Variants in DDX11 observed in about 807,000 individuals in gnomAD.
DDX11 encodes the protein ATP-dependent DNA helicase DDX11.
DDX11 carries 72 observed loss-of-function variants against 125.2 expected under a neutral mutation model. That is an observed-to-expected ratio of 0.58 (90% CI 0.48 to 0.70). The LOEUF (loss-of-function observed/expected upper bound fraction) is 0.70. Ranked by LOEUF, DDX11 falls within the 30% of genes least tolerant of loss-of-function variation. The probability of loss-of-function intolerance (pLI) is 0.00; values close to 1 mark genes in which losing one functional copy is unlikely to be tolerated. For synonymous variants in DDX11, 347 were observed against 452.6 expected, an observed-to-expected ratio of 0.77 and a Z score of 2.96; for missense variants, 883 against 1,165.0, an observed-to-expected ratio of 0.76 and a Z score of 3.52.
chr12:31,095,850 G>C (rs1266246297), intron 14 of DDX11, among the ~76,000 whole-genome samples: 1 of 152,044 alleles, frequency 6.6e-6, no homozygotes, highest in South Asian at 2.1e-4. Flanking sequence ...GAAGGACGTC[G>C]CTCTTTTTAG....
At chr12:31,095,901 C>G (rs1945141251) in intron 14 of DDX11, among the ~76,000 whole-genome samples, 4 of 152,304 alleles carry the variant, frequency 2.6e-5, no homozygotes, top group African/African-American at 9.6e-5. Context: ...CTCTGCATCC[C>G]AAGCTAAGAT....
At position 31,093,420 on chromosome 12, in the gene DDX11, T is replaced by G. The variant is rs773581103; in HGVS notation, c.1369+96T>G. ...ATCAGGACACCTCAGTTCTCTGTGT[T>G]TTTAAGAAGGGTCGGCCGGGTGCGG... On this transcript the variant is annotated intron_variant, in intron 12 of 26. Coordinates refer to ENST00000542838, the MANE Select transcript of DDX11 (RefSeq NM_030653.4). The G allele has an allele frequency of 2.6e-6, 4 of 1,552,584 alleles. No homozygotes were observed. The Admixed American group carries it at 5.4e-5, about 21-fold the overall frequency.
intron 5 of DDX11, 102 bp from the exon 6 acceptor site, chr12:31,087,836 T>C: frequency 8.6e-6 from 13 of 1,516,574 alleles, no homozygotes; most frequent in Non-Finnish European, 8.9e-6. Flanking sequence ...AACCCATTGC[T>C]GGGAATGGCC....
At chr12:31,101,793 C>A in intron 20 of DDX11, 40 bp from the exon 21 acceptor site, 1 of 1,613,744 alleles carries the variant, frequency 6.2e-7, no homozygotes, top group South Asian at 1.1e-5. Flanking sequence ...TGAGGGGTTG[C>A]TCCATGGGGG....
rs770400902 is a variant in DDX11 at position 31,096,724 on chromosome 12, C to G, written c.1609C>G (p.Leu537Val). ...TGGGTTTCAGCAATTCCTGCAGAGC[C>G]TGCAGCCCAGGACGACTGAAGGTGA... Reference protein sequence around the residue: ...LAGFQQFLQSLQPRTTEALAA... With the variant: ...LAGFQQFLQSVQPRTTEALAA... The change falls in exon 16 of 27, where the codon CTG (leucine) becomes GTG (valine). Residue 537 changes from leucine to valine, a missense_variant. This residue lies in a region of DDX11 where 241 missense variants were observed against 279.7 expected (regional missense o/e 0.86). Coordinates refer to ENST00000542838, the MANE Select transcript of DDX11 (RefSeq NM_030653.4). 11 of 1,614,064 alleles carry G rather than the reference C, an allele frequency of 6.8e-6. No individual in the cohort carries two copies. Among genetic ancestry groups the G allele is most frequent in the African/African-American group, 1.3e-5 (1 of 74,924 alleles).
intron 8 of DDX11, 152 bp from the exon 9 acceptor site, chr12:31,089,734 T>C (rs1283479662): frequency 2.1e-5 from 29 of 1,413,818 alleles, no homozygotes; most frequent in Non-Finnish European, 7.8e-6. Context: ...AACCTTACAG[T>C]GTTCCGATGA....
chr12:31,081,930 C>T (rs1389656122), intron 2 of DDX11, among the ~76,000 whole-genome samples: 13 of 126,118 alleles, frequency 1.0e-4, no homozygotes, highest in Admixed American at 2.6e-4. Flanking sequence ...AGGGCACTGG[C>T]TTTCTAACCA....
rs1946316295 is a variant in DDX11, at chr12:31,101,198, G to A, written c.2052+68G>A. 3 of 1,371,538 alleles carry A rather than the reference G, an allele frequency of 2.2e-6. No homozygotes were observed. The African/African-American group carries it at 4.3e-5, about 20-fold the overall frequency. 85.0% of individuals were successfully genotyped at this position (1,371,538 alleles called of 1,614,324 possible). On this transcript the variant is annotated intron_variant, in intron 20 of 26. Transcript: ENST00000542838. ...CAGCAAAGGGTTTTCTGGGGCAGGG[G>A]CGCTCTGGCCCACCCTGAGTGTTTT...
At chr12:31,103,513 G>A (rs3903164) in intron 25 of DDX11, 64 bp from the exon 26 acceptor site, 210 of 1,612,528 alleles carry the variant, frequency 1.3e-4, no homozygotes, top group East Asian at 1.8e-4. Context: ...GGGGGTCGCC[G>A]TGGGAATGTG....
intron 17 of DDX11, 87 bp from the exon 18 acceptor site, chr12:31,097,798 C>T: frequency 1.3e-6 from 1 of 793,692 alleles, no homozygotes; most frequent in Non-Finnish European, 2.2e-6. Flanking sequence ...TGCCTCAGAC[C>T]TGGACTCACC....
chr12:31,089,329 A>G (rs1238133840), intron 7 of DDX11, 74 bp from the exon 8 acceptor site: 5 of 1,534,862 alleles, frequency 3.3e-6, no homozygotes, highest in Admixed American at 3.4e-5. Context: ...GTGGCGGGGC[A>G]GGTCCACGTG....
chr12:31,094,524 G>T, intron 12 of DDX11, 66 bp from the exon 13 acceptor site: 2 of 1,426,644 alleles, frequency 1.4e-6, no homozygotes, highest in South Asian at 2.5e-5. Flanking sequence ...TGGAGGGAGA[G>T]AAGATAGGGA....
chr12:31,090,756 A>G (rs139994196), intron 9 of DDX11, among the ~76,000 whole-genome samples: 2,040 of 152,322 alleles, frequency 0.013, 47 homozygotes, highest in African/African-American at 0.047. Flanking sequence ...ATAATCCAGA[A>G]AAAAATGTAA....
chr12:31,091,668 C>T, intron 9 of DDX11, 51 bp from the exon 10 acceptor site: 1 of 1,560,862 alleles, frequency 6.4e-7, no homozygotes, highest in Non-Finnish European at 8.7e-7. Context: ...GCAGGCAAGG[C>T]TCCTGCAGGG....
chr12:31,082,567 G>C (rs1451880338), intron 2 of DDX11, among the ~76,000 whole-genome samples: 1 of 152,060 alleles, frequency 6.6e-6, no homozygotes, highest in Non-Finnish European at 1.5e-5. Flanking sequence ...ATCCCCTCTG[G>C]GTTCAGCAGG....
chr12:31,077,988 G>A (rs1279069888), intron 1 of DDX11: 1 of 350,626 alleles, frequency 2.9e-6, no homozygotes, highest in Non-Finnish European at 5.6e-6. Flanking sequence ...GCTTGTGAAT[G>A]TGCATTGCAG....
At chr12:31,102,366 A>C (rs748350108) in intron 22 of DDX11, 55 bp downstream of exon 22, 1 of 1,609,716 alleles carries the variant, frequency 6.2e-7, no homozygotes, top group Non-Finnish European at 8.5e-7. Context: ...GGCAGCTGGA[A>C]ACGTTGTGGG....
intron 10 of DDX11, 88 bp downstream of exon 10, chr12:31,091,959 C>T (rs1411353115): frequency 1.9e-6 from 3 of 1,579,136 alleles, no homozygotes; most frequent in Non-Finnish European, 1.7e-6. Flanking sequence ...CCAAGAGTTC[C>T]TCCGGAGGTG....
Position 31,083,495 on chromosome 12 carries a change from T to C in DDX11, c.145-318T>C, listed in dbSNP as rs188639799. Among the ~76,000 whole-genome samples, 23 of 152,272 alleles carry C rather than the reference T, an allele frequency of 1.5e-4. No homozygotes were observed. The East Asian group carries it at 3.3e-3, about 22-fold the overall frequency. ...TTCTTTTAGGGGACTTTTTGTCTAATGTCTCCCCTTCTTCTAATTATGTGC... is the reference window on the plus strand; with the variant it reads ...TTCTTTTAGGGGACTTTTTGTCTAACGTCTCCCCTTCTTCTAATTATGTGC... On this transcript the variant is annotated intron_variant, in intron 2 of 26. Transcript: ENST00000542838.
Sources: gnomAD v4.1 joint callset for allele counts (sites outside exome capture counted in the v4.1 genomes callset) on GRCh38, gnomAD v4.1.1 for gene constraint, gnomAD v4.1.1 regional missense constraint, MANE v1.5 for transcripts, NCBI Gene and HGNC (gene_info 2026-07-23, HGNC 2026-07-21) for gene names.